Variants in KDM4C observed in about 807,000 individuals in gnomAD.
KDM4C encodes lysine-specific demethylase 4C.
A neutral mutation model predicts 129.3 loss-of-function variants in KDM4C; 81 were observed. The observed-to-expected ratio is 0.63, with a 90% CI of 0.52 to 0.75. KDM4C has a LOEUF of 0.75. Among genes scored for constraint, KDM4C ranks in the 30% least tolerant of loss-of-function variants. KDM4C has a pLI of 0.00. For synonymous variants in KDM4C, 573 were observed against 456.1 expected (o/e 1.26, Z -3.26); for missense variants, 1,457 against 1,304.0 (o/e 1.12, Z -1.81).
chr9:6,935,179 A>G (rs1824533948), intron 8 of KDM4C, among the ~76,000 whole-genome samples: 1 of 152,176 alleles, frequency 6.6e-6, no homozygotes, highest in Admixed American at 6.5e-5. Flanking sequence ...AGAATATAAA[A>G]GATAATATCT....
At chr9:6,915,024 A>G (rs565254805) in intron 8 of KDM4C, among the ~76,000 whole-genome samples, 16 of 152,344 alleles carry the variant, frequency 1.1e-4, no homozygotes, top group African/African-American at 3.1e-4. Flanking sequence ...TGGACTTATA[A>G]AAAGGGGCAC....
At chr9:7,118,436 G>A (rs80191732) in intron 18 of KDM4C, among the ~76,000 whole-genome samples, 5,543 of 152,274 alleles carry the variant, frequency 0.036, 139 homozygotes, top group Middle Eastern at 0.065. Context: ...TACAAAGAAA[G>A]CTTTCACTAT....
At chr9:6,986,238 T>A in intron 10 of KDM4C, 106 bp from the exon 11 acceptor site, 1 of 721,094 alleles carries the variant, frequency 1.4e-6, no homozygotes, top group Non-Finnish European at 2.3e-6. Context: ...TGCGCATGCG[T>A]GTGTATGTGT....
At chr9:6,750,426 GA>G (rs1818029501) in intron 1 of KDM4C, among the ~76,000 whole-genome samples, 1 of 149,358 alleles carries the variant, frequency 6.7e-6, no homozygotes, top group Non-Finnish European at 1.5e-5. Context: ...GTGACAGATT[GA>G]GACTCTGTCT....
intron 2 of KDM4C, among the ~76,000 whole-genome samples, chr9:6,803,425 C>T (rs1222310718): frequency 6.6e-6 from 1 of 151,740 alleles, no homozygotes. Context: ...CAAAAATTAG[C>T]CGGGCATGGT....
chr9:6,864,763 C>G (rs1841615239), intron 5 of KDM4C, among the ~76,000 whole-genome samples: 1 of 151,504 alleles, frequency 6.6e-6, no homozygotes, highest in South Asian at 2.1e-4. Context: ...AGAAGTAATT[C>G]TTAGATTTGG....
intron 19 of KDM4C, among the ~76,000 whole-genome samples, chr9:7,164,929 C>A (rs1005563225): frequency 6.6e-6 from 1 of 152,188 alleles, no homozygotes; most frequent in Non-Finnish European, 1.5e-5. Flanking sequence ...GTCTATTCCT[C>A]AGCTAAAGCG....
intron 11 of KDM4C, 53 bp downstream of exon 11, chr9:6,986,719 T>C: frequency 7.6e-7 from 1 of 1,324,426 alleles, no homozygotes; most frequent in Non-Finnish European, 1.0e-6. Flanking sequence ...GAGAGCACAT[T>C]TTGAAAACAA....
At chr9:7,047,031 T>C in intron 16 of KDM4C, 114 bp downstream of exon 16, 6 of 726,546 alleles carry the variant, frequency 8.3e-6, no homozygotes, top group Non-Finnish European at 1.4e-5. Flanking sequence ...AAGCTTTTGC[T>C]GCTCAGATCT....
At chr9:6,793,409 G>T (rs1373864966) in intron 2 of KDM4C, among the ~76,000 whole-genome samples, 2 of 151,818 alleles carry the variant, frequency 1.3e-5, no homozygotes, top group Non-Finnish European at 2.9e-5. Context: ...CCATGTATGG[G>T]TTTCAGAGGT....
At chr9:6,931,502 A>AT (rs1420570459) in intron 8 of KDM4C, among the ~76,000 whole-genome samples, 23 of 132,414 alleles carry the variant, frequency 1.7e-4, no homozygotes, top group South Asian at 1.4e-3. Flanking sequence ...TCATATATAT[A>AT]TATATTTTTT....
intron 17 of KDM4C, among the ~76,000 whole-genome samples, chr9:7,072,093 C>G (rs976990686): frequency 2.0e-5 from 3 of 152,104 alleles, no homozygotes; most frequent in Admixed American, 6.5e-5. Flanking sequence ...GCAAGTAGAA[C>G]CACAATGATA....
intron 19 of KDM4C, among the ~76,000 whole-genome samples, chr9:7,141,346 T>G (rs935398582): frequency 2.0e-5 from 3 of 150,842 alleles, no homozygotes; most frequent in African/African-American, 7.4e-5. Context: ...TATAAAAGCC[T>G]AAAAACAAAA....
At chr9:6,834,603 A>T (rs1179696794) in intron 4 of KDM4C, 9 of 749,858 alleles carry the variant, frequency 1.2e-5, no homozygotes, top group Non-Finnish European at 2.2e-5. Context: ...ATGGGTCGGA[A>T]GGACTCCCAT....
chr9:6,826,176 AG>A (rs1483727090), intron 4 of KDM4C, among the ~76,000 whole-genome samples: 1 of 151,376 alleles, frequency 6.6e-6, no homozygotes, highest in African/African-American at 2.4e-5. Context: ...GCTGGGGAAA[AG>A]TTTTTTTTTT....
chr9:6,795,436 A>G (rs921131918), intron 2 of KDM4C, among the ~76,000 whole-genome samples: 7 of 152,168 alleles, frequency 4.6e-5, no homozygotes, highest in Non-Finnish European at 1.0e-4. Context: ...GTTTCAAGCT[A>G]TTCTCCTGCC....
intron 17 of KDM4C, among the ~76,000 whole-genome samples, chr9:7,054,614 A>G (rs752302642): frequency 5.3e-5 from 8 of 152,214 alleles, no homozygotes; most frequent in Non-Finnish European, 8.8e-5. Context: ...TTGATTATAA[A>G]ATTTAAGAGA....
chr9:6,988,345 T>C (rs1312274241), intron 11 of KDM4C, among the ~76,000 whole-genome samples: 1 of 152,118 alleles, frequency 6.6e-6, no homozygotes, highest in Non-Finnish European at 1.5e-5. Context: ...ATTTCTTTGC[T>C]CTCAAGGAAG....
At chr9:6,950,250 T>A (rs1827894181) in intron 8 of KDM4C, among the ~76,000 whole-genome samples, 1 of 152,188 alleles carries the variant, frequency 6.6e-6, no homozygotes. Context: ...GTTTTATTGA[T>A]GTGAACTATT....
Sources: gnomAD v4.1 joint callset for allele counts (sites outside exome capture counted in the v4.1 genomes callset) on GRCh38, gnomAD v4.1.1 for gene constraint, MANE v1.5 for transcripts, NCBI Gene and HGNC (gene_info 2026-07-23, HGNC 2026-07-21) for gene names.